FAM107B: variants seen among roughly 807,000 people sequenced by gnomAD.
FAM107B encodes the protein family with sequence similarity 107 member B.
A neutral mutation model predicts 31.5 loss-of-function variants in FAM107B; 21 were observed. The observed-to-expected ratio is 0.67, with a 90% confidence interval of 0.47 to 0.96. The LOEUF (loss-of-function observed/expected upper bound fraction) is 0.96, where lower values mean the gene tolerates loss of function less well. Ranked by LOEUF, FAM107B falls within the 40% of genes least tolerant of loss-of-function variation. The pLI is 0.00. For missense variants in FAM107B, 452 were observed against 377.1 expected (o/e 1.20, Z -1.64); for synonymous variants, 157 against 141.5 (o/e 1.11, Z -0.78).
intron 1 of FAM107B, among the ~76,000 whole-genome samples, chr10:14,725,310 G>C (rs566556800): frequency 1.3e-5 from 2 of 152,166 alleles, no homozygotes; most frequent in African/African-American, 2.4e-5. Context: ...GAAAAGGGAA[G>C]GGAATGGAGA....
chr10:14,574,308 A>C (rs762299779), intron 2 of FAM107B, among the ~76,000 whole-genome samples: 4 of 152,226 alleles, frequency 2.6e-5, no homozygotes, highest in Admixed American at 2.6e-4. Flanking sequence ...CGGTGGATAT[A>C]ATCTATCCAA....
intron 2 of FAM107B, among the ~76,000 whole-genome samples, chr10:14,611,441 C>T (rs918568179): frequency 2.8e-5 from 4 of 144,504 alleles, no homozygotes; most frequent in Non-Finnish European, 6.0e-5. Context: ...GGGAAGTATC[C>T]TTTGGAATGC....
At chr10:14,740,548 A>T (rs567237327) in intron 1 of FAM107B, among the ~76,000 whole-genome samples, 36 of 152,328 alleles carry the variant, frequency 2.4e-4, no homozygotes, top group African/African-American at 8.4e-4. Flanking sequence ...TGAATTTTTT[A>T]AAACCCATAT....
At chr10:14,718,597 T>A (rs377167916) in intron 1 of FAM107B, among the ~76,000 whole-genome samples, 1 of 151,810 alleles carries the variant, frequency 6.6e-6, no homozygotes, top group East Asian at 1.9e-4. Context: ...GCAGAGTCAA[T>A]AACAGCATGA....
chr10:14,658,397 A>AGACCCATGTCT (rs376081973), intron 2 of FAM107B, among the ~76,000 whole-genome samples: 4 of 152,338 alleles, frequency 2.6e-5, no homozygotes, highest in African/African-American at 4.8e-5. Context: ...CTTGAAGGCA[A>AGACCCATGTCT]GACCCATGTC....
intron 2 of FAM107B, among the ~76,000 whole-genome samples, chr10:14,635,626 T>C (rs1275760183): frequency 6.6e-6 from 1 of 152,028 alleles, no homozygotes; most frequent in African/African-American, 2.4e-5. Flanking sequence ...TGGAATGTGT[T>C]TTTCTATTTT....
chr10:14,682,701 TG>T (rs1399884384), intron 1 of FAM107B, among the ~76,000 whole-genome samples: 1 of 151,640 alleles, frequency 6.6e-6, no homozygotes, highest in Non-Finnish European at 1.5e-5. Context: ...TGAGAACACA[TG>T]GACACAGGGA....
chr10:14,572,851 AGT>A (rs1428087835), intron 2 of FAM107B, among the ~76,000 whole-genome samples: 1 of 150,852 alleles, frequency 6.6e-6, no homozygotes, highest in African/African-American at 2.4e-5. Flanking sequence ...AAGGGACTTG[AGT>A]TCCAGTCCCA....
chr10:14,768,760 C>T lies in FAM107B; in HGVS notation c.411+5493G>A, dbSNP rs988844392. ...TCCAACAAATTTTTGGTTATCATTT[C>T]GCTTTACTGGTGATTTTCCAATGGG... On this transcript the variant is annotated intron_variant, in intron 1 of 4. Coordinates refer to ENST00000181796, the MANE Select transcript of FAM107B (RefSeq NM_031453.4). Among the ~76,000 whole-genome samples, 5 of 152,212 alleles carry T rather than the reference C, an allele frequency of 3.3e-5. No homozygotes were observed. In the East Asian group the frequency reaches 5.8e-4, roughly 18 times the overall value.
intron 1 of FAM107B, among the ~76,000 whole-genome samples, chr10:14,689,576 C>A (rs760616897): frequency 3.9e-5 from 6 of 151,986 alleles, no homozygotes; most frequent in African/African-American, 7.3e-5. Context: ...AGGACACATG[C>A]CAGTTAGGTG....
chr10:14,594,495 C>A (rs1852117164), intron 2 of FAM107B, among the ~76,000 whole-genome samples: 1 of 139,276 alleles, frequency 7.2e-6, no homozygotes, highest in African/African-American at 2.7e-5. Context: ...CAGAGCAAGA[C>A]CCTGCCAAAA....
intron 2 of FAM107B, among the ~76,000 whole-genome samples, chr10:14,560,391 A>G (rs920737535): frequency 3.3e-5 from 5 of 152,220 alleles, no homozygotes; most frequent in African/African-American, 1.2e-4. Context: ...GAAGCAAGCT[A>G]TATGAAGCAA....
rs142436716 is a variant in FAM107B, at chr10:14,588,921, C to A, written c.470-58406G>T. On this transcript the variant is annotated intron_variant, in intron 2 of 4. Transcript: ENST00000181796. ...GTGAGGCTGGGCGCAGTGACTCACG[C>A]CTGTAATCCCAGCACTTTGGGAGGC... Among the ~76,000 whole-genome samples, 4 of 152,132 alleles carry A rather than the reference C, an allele frequency of 2.6e-5. No individual in the cohort carries two copies. The East Asian group carries it at 7.7e-4, about 29-fold the overall frequency.
intron 1 of FAM107B, among the ~76,000 whole-genome samples, chr10:14,697,119 A>C (rs897976456): frequency 2.6e-5 from 4 of 152,286 alleles, no homozygotes; most frequent in Middle Eastern, 3.4e-3. Context: ...TTGGATGGGG[A>C]GCCAGTTCTG....
intron 2 of FAM107B, among the ~76,000 whole-genome samples, chr10:14,623,641 C>T (rs546024585): frequency 6.6e-6 from 1 of 152,326 alleles, no homozygotes; most frequent in African/African-American, 2.4e-5. Context: ...GCCTGGCCAA[C>T]ATGGTGAAAC....
intron 2 of FAM107B, among the ~76,000 whole-genome samples, chr10:14,617,986 A>C (rs1282521015): frequency 6.6e-6 from 1 of 152,128 alleles, no homozygotes; most frequent in Non-Finnish European, 1.5e-5. Context: ...ATTAATTTTG[A>C]CTCATGTAAT....
intron 1 of FAM107B, among the ~76,000 whole-genome samples, chr10:14,748,601 T>C (rs1042035243): frequency 6.6e-6 from 1 of 152,212 alleles, no homozygotes; most frequent in African/African-American, 2.4e-5. Flanking sequence ...CAAATTTGCA[T>C]TCTTGGCCCG....
chr10:14,719,863 T>C (rs1035879456), intron 1 of FAM107B, among the ~76,000 whole-genome samples: 2 of 152,190 alleles, frequency 1.3e-5, no homozygotes, highest in Admixed American at 6.5e-5. Flanking sequence ...TGCTTTACCA[T>C]GGCCTTTAGG....
At chr10:14,565,380 G>A (rs1031055086) in intron 2 of FAM107B, among the ~76,000 whole-genome samples, 7 of 152,118 alleles carry the variant, frequency 4.6e-5, no homozygotes, top group South Asian at 2.1e-4. Context: ...AGACATAGGC[G>A]CATGGGCTTG....
Sources: allele counts gnomAD v4.1 joint callset (sites outside exome capture counted in the v4.1 genomes callset), GRCh38; gene constraint gnomAD v4.1.1; transcripts MANE v1.5; gene names NCBI Gene and HGNC (gene_info 2026-07-23, HGNC 2026-07-21).